ICE1: variants seen among roughly 807,000 people sequenced by gnomAD.
The protein encoded by ICE1 is interactor of little elongation complex ELL subunit 1, also known as little elongation complex subunit 1.
ICE1 carries 64 observed loss-of-function variants against 192.7 expected under a neutral mutation model. The ratio of observed to expected loss-of-function variants is 0.33; its 90% CI spans 0.27 to 0.41. The LOEUF is 0.41. ICE1 is among the 10% of genes least tolerant of loss of function. The pLI, the probability that ICE1 is intolerant of heterozygous loss-of-function variation, is 1.00. For synonymous variants in ICE1, 1,010 were observed against 984.5 expected, an observed-to-expected ratio of 1.03 and a Z score of -0.49; for missense variants, 2,708 against 2,696.0, an observed-to-expected ratio of 1.00 and a Z score of -0.10.
intron 1 of ICE1, among the ~76,000 whole-genome samples, chr5:5,434,474 T>C (rs1374524493): frequency 1.3e-5 from 2 of 152,076 alleles, no homozygotes; most frequent in Admixed American, 1.3e-4. Flanking sequence ...AGATCTTTTG[T>C]GTGTATGTTT....
chr5:5,462,525 T>A lies in ICE1; in HGVS notation c.3191T>A (p.Phe1064Tyr), dbSNP rs1336319256. 2 of 1,613,892 alleles carry A rather than the reference T, an allele frequency of 1.2e-6. No homozygotes were observed. The highest frequency in any genetic ancestry group is 1.7e-6 in the Non-Finnish European group (2 of 1,179,892). The change falls in exon 13 of 19, where the codon TTT becomes TAT. Residue 1064 changes from phenylalanine (F) to tyrosine (Y), a missense_variant. Physicochemically the swap from Phe to Tyr is conservative, Grantham distance 22. Around this residue, in one of 2 missense-constraint regions of ICE1, gnomAD observed 2,366 missense variants for 2,276.6 expected, o/e 1.04. Transcript: ENST00000296564. Reference sequence around the variant, plus strand: ...CCCGGTGGTGCTTTGCCTGAGTGTTTTGGCACCACAGACACTACTTTTTCT... The same window carrying A: ...CCCGGTGGTGCTTTGCCTGAGTGTTATGGCACCACAGACACTACTTTTTCT... ...TTPGGALPECFGTTDTTFSSA... is the reference protein window; with the variant it reads ...TTPGGALPECYGTTDTTFSSA...
At chr5:5,482,654 G>A (rs1279685962) in intron 17 of ICE1, among the ~76,000 whole-genome samples, 3 of 152,296 alleles carry the variant, frequency 2.0e-5, no homozygotes, top group South Asian at 2.1e-4. Context: ...GACTCAGAGC[G>A]AGGCAGTTGC....
intron 10 of ICE1, among the ~76,000 whole-genome samples, chr5:5,450,534 C>G (rs920693424): frequency 6.6e-6 from 1 of 152,114 alleles, no homozygotes; most frequent in African/African-American, 2.4e-5. Flanking sequence ...AGGGAACTTT[C>G]CTGAGCAGAG....
At chr5:5,436,284 A>G in intron 1 of ICE1, 134 bp from the exon 2 acceptor site, 2 of 556,970 alleles carry the variant, frequency 3.6e-6, no homozygotes, top group Non-Finnish European at 3.0e-6. Flanking sequence ...TGCTCTACAC[A>G]ATATAAGTAA....
In ICE1 at chr5:5,424,661, G is replaced by A. The variant is rs1230077213; in HGVS notation, c.84+1662G>A. Among the ~76,000 whole-genome samples the A allele has an allele frequency of 2.0e-5, 3 of 152,166 alleles. No homozygotes were observed. In the East Asian group the frequency reaches 5.8e-4, roughly 29 times the overall value. ...AACAGAGATGGGGAGGGAATGAATG[G>A]GTGAGGACTAGGCCAGTGGCTGTTG... On this transcript the variant is annotated intron_variant, in intron 1 of 18. Transcript: ENST00000296564.
chr5:5,431,202 A>G (rs1341854196), intron 1 of ICE1, among the ~76,000 whole-genome samples: 2 of 152,210 alleles, frequency 1.3e-5, no homozygotes, highest in Non-Finnish European at 2.9e-5. Context: ...AAGATGAGCT[A>G]GGGTACCAAA....
At chr5:5,483,385 G>A (rs1227858867) in intron 17 of ICE1, among the ~76,000 whole-genome samples, 3 of 152,308 alleles carry the variant, frequency 2.0e-5, no homozygotes, top group East Asian at 1.9e-4. Context: ...TGAGACTTGC[G>A]TTATCTAATG....
intron 10 of ICE1, among the ~76,000 whole-genome samples, chr5:5,449,393 A>G (rs963486434): frequency 1.3e-5 from 2 of 152,188 alleles, no homozygotes; most frequent in African/African-American, 4.8e-5. Context: ...TTCACTTTAC[A>G]AAAAAAGGCC....
Position 5,473,738 on chromosome 5 carries a change from A to G in ICE1, c.6403A>G (p.Asn2135Asp). The G allele has an allele frequency of 3.8e-6, 6 of 1,595,954 alleles. No homozygotes were observed. Among genetic ancestry groups the G allele is most frequent in the Non-Finnish European group, 5.1e-6 (6 of 1,173,776 alleles). The stretch of plus-strand genomic sequence containing the variant: ...TCAGAAATGGATCTGGACGCATGAT[A>G]ACATCATAAGGTTAGTTATTTTACT... Reference protein sequence around the residue: ...CHQKWIWTHDNIISKELWPVM... With the variant: ...CHQKWIWTHDDIISKELWPVM... The change falls in exon 16 of 19, where the codon AAC becomes GAC. Residue 2135 changes from asparagine (N) to aspartate (D), a missense_variant. Asn to Asp is a conservative substitution (Grantham distance 23). This residue lies in a region of ICE1 where 342 missense variants were observed against 419.3 expected (regional missense o/e 0.82). Transcript: ENST00000296564.
Position 5,460,643 on chromosome 5 carries a change from G to T in ICE1, c.1309G>T (p.Val437Leu). 1.9e-6 allele frequency: 3 copies of T among 1,613,884 alleles called. No individual in the cohort carries two copies. The South Asian group carries it at 3.3e-5, about 18-fold the overall frequency. ...TCTGAATACATGGGAAGTAAATAAAGTGACAACTTCTGGACTCGAGACTTT... is the reference window on the plus strand; with the variant it reads ...TCTGAATACATGGGAAGTAAATAAATTGACAACTTCTGGACTCGAGACTTT... ...QALNTWEVNK[V>L]TTSGLETFTA... The change falls in exon 13 of 19, where the codon GTG becomes TTG. Residue 437 changes from valine to leucine, a missense_variant. Physicochemically the swap from Val to Leu is conservative, Grantham distance 32 (BLOSUM62 1). Coordinates refer to ENST00000296564, the MANE Select transcript of ICE1 (RefSeq NM_015325.3).
intron 10 of ICE1, among the ~76,000 whole-genome samples, chr5:5,450,388 GACAA>G (rs1738377866): frequency 6.6e-6 from 1 of 152,134 alleles, no homozygotes; most frequent in South Asian, 2.1e-4. Flanking sequence ...CATACAAAGG[GACAA>G]ACAAATTAAA....
chr5:5,470,529 A>G (rs1739130100), intron 15 of ICE1, among the ~76,000 whole-genome samples: 1 of 152,234 alleles, frequency 6.6e-6, no homozygotes, highest in Admixed American at 6.5e-5. Flanking sequence ...ACCCCATTAT[A>G]TTACAGGATT....
Position 5,489,169 on chromosome 5 carries a change from T to G in ICE1, c.6640T>G (p.Leu2214Val), listed in dbSNP as rs1329862275. ...HDEDIPWGIQ[L>V]AAVYALCDLS... ...TTCAGATATACCATGGGGTATACAG[T>G]TAGCAGCCGTGTATGCTCTTTGTGA... The change falls in exon 19 of 19, where the codon TTA becomes GTA. Residue 2214 changes from leucine (L) to valine (V), a missense_variant. By Grantham distance (32) the Leu-to-Val change is conservative. This residue lies in a region of ICE1 where 342 missense variants were observed against 419.3 expected (regional missense o/e 0.82). Transcript: ENST00000296564. 1 of 1,613,976 alleles carries G rather than the reference T, an allele frequency of 6.2e-7. No homozygotes were observed. Among genetic ancestry groups the G allele is most frequent in the Non-Finnish European group, 8.5e-7 (1 of 1,179,874 alleles).
At chr5:5,474,102 C>G (rs1302665931) in intron 16 of ICE1, among the ~76,000 whole-genome samples, 1 of 151,228 alleles carries the variant, frequency 6.6e-6, no homozygotes, top group Non-Finnish European at 1.5e-5. Context: ...CCCAGTTACT[C>G]GGGAGGCTGA....
chr5:5,461,953 C>T lies in ICE1; in HGVS notation c.2619C>T (p.Ala873=), dbSNP rs1389497507. The change falls in exon 13 of 19, where the codon GCC becomes GCT. Residue 873 remains alanine, a synonymous_variant. Transcript: ENST00000296564. The part of the protein sequence containing the change: ...KQTRPEKVQS[A]KLEHLRPHRV... The stretch of plus-strand genomic sequence containing the variant: ...CAAGACCTGAAAAGGTTCAGAGTGC[C>T]AAATTGGAACACTTGAGGCCACATA... 1 of 1,613,882 alleles carries T rather than the reference C, an allele frequency of 6.2e-7. No homozygotes were observed. Among genetic ancestry groups the T allele is most frequent in the South Asian group, 1.1e-5 (1 of 91,086 alleles).
At chr5:5,423,622 C>T (rs1237412343) in intron 1 of ICE1, among the ~76,000 whole-genome samples, 1 of 152,150 alleles carries the variant, frequency 6.6e-6, no homozygotes, top group Non-Finnish European at 1.5e-5. Context: ...GCGGCGTGGG[C>T]TCTTCTTTAG....
At position 5,462,822 on chromosome 5, in the gene ICE1, C is replaced by G. The variant is rs1738839290; in HGVS notation, c.3488C>G (p.Thr1163Ser). The change falls in exon 13 of 19, where the codon ACT becomes AGT. Residue 1163 changes from threonine to serine, a missense_variant. Physicochemically the swap from Thr to Ser is moderately conservative, Grantham distance 58 (BLOSUM62 1). Coordinates refer to ENST00000296564, the MANE Select transcript of ICE1 (RefSeq NM_015325.3). ...GCTCTGCAAGATTTTAACATAAGTA[C>G]TTTTTCTGAGCTGGATAGACTTTCC... The part of the protein sequence containing the change: ...TSALQDFNIS[T>S]FSELDRLSTS... 1 of 1,611,502 alleles carries G rather than the reference C, an allele frequency of 6.2e-7. No individual in the cohort carries two copies. The highest frequency in any genetic ancestry group is 1.3e-5 in the African/African-American group (1 of 74,990).
intron 5 of ICE1, among the ~76,000 whole-genome samples, chr5:5,441,642 CCTAT>C (rs1738057420): frequency 6.6e-6 from 1 of 152,094 alleles, no homozygotes; most frequent in Non-Finnish European, 1.5e-5. Flanking sequence ...GTGGCTCTGG[CCTAT>C]CTTTGGAGAG....
At chr5:5,459,879 C>T (rs542299744) in intron 12 of ICE1, among the ~76,000 whole-genome samples, 1 of 152,200 alleles carries the variant, frequency 6.6e-6, no homozygotes, top group Admixed American at 6.5e-5. Context: ...AGGGAGAAAG[C>T]TTTGTAAGGG....
Sources: gnomAD v4.1 joint callset for allele counts (sites outside exome capture counted in the v4.1 genomes callset) on GRCh38, gnomAD v4.1.1 for gene constraint, gnomAD v4.1.1 regional missense constraint, MANE v1.5 for transcripts, NCBI Gene and HGNC (gene_info 2026-07-23, HGNC 2026-07-21) for gene names.